ST8SIA6: variants seen among roughly 807,000 people sequenced by gnomAD.
The protein encoded by ST8SIA6 is ST8 alpha-N-acetyl-neuraminide alpha-2,8-sialyltransferase 6.
A neutral mutation model predicts 33.6 loss-of-function variants in ST8SIA6; 39 were observed. That is an observed-to-expected ratio of 1.16 (90% CI 0.90 to 1.52). The LOEUF (loss-of-function observed/expected upper bound fraction) is 1.52. Among genes scored for constraint, ST8SIA6 ranks in the 40% most tolerant of loss-of-function variants. The probability of loss-of-function intolerance (pLI) is 0.00; values close to 1 mark genes in which losing one functional copy is unlikely to be tolerated. For synonymous variants in ST8SIA6, 172 were observed against 167.2 expected (o/e 1.03, Z -0.22); for missense variants, 441 against 443.8 (o/e 0.99, Z 0.06).
intron 4 of ST8SIA6, among the ~76,000 whole-genome samples, chr10:17,345,034 C>T (rs200003614): frequency 0.18 from 26,679 of 152,070 alleles, 2,605 homozygotes; most frequent in East Asian, 0.48. Context: ...GAACTCTTAG[C>T]TAGTGGGAGA....
At chr10:17,334,260 C>G (rs971911582) in intron 4 of ST8SIA6, among the ~76,000 whole-genome samples, 4 of 151,770 alleles carry the variant, frequency 2.6e-5, no homozygotes. Context: ...AAAATACAGG[C>G]TGGGCGCGGT....
intron 4 of ST8SIA6, among the ~76,000 whole-genome samples, chr10:17,333,798 T>C (rs556158274): frequency 7.2e-6 from 1 of 138,272 alleles, no homozygotes; most frequent in African/African-American, 2.7e-5. Flanking sequence ...TTCAGCTCAC[T>C]GCAAATTCCA....
At chr10:17,344,558 C>A (rs1249999602) in intron 4 of ST8SIA6, among the ~76,000 whole-genome samples, 1 of 152,190 alleles carries the variant, frequency 6.6e-6, no homozygotes, top group East Asian at 1.9e-4. Flanking sequence ...GTCCCTCCCA[C>A]AACATATGGG....
At chr10:17,446,748 T>C (rs1852721167) in intron 2 of ST8SIA6, among the ~76,000 whole-genome samples, 1 of 151,916 alleles carries the variant, frequency 6.6e-6, no homozygotes, top group African/African-American at 2.4e-5. Flanking sequence ...AGGAAAAATG[T>C]CTACAAAGCT....
chr10:17,424,105 CTT>C (rs112889595), intron 2 of ST8SIA6, among the ~76,000 whole-genome samples: 2,247 of 140,358 alleles, frequency 0.016, 35 homozygotes, highest in Admixed American at 0.045. Flanking sequence ...TTTCCAAATT[CTT>C]TTTTTTTTTT....
chr10:17,438,985 C>A, intron 2 of ST8SIA6, among the ~76,000 whole-genome samples: 1 of 152,204 alleles, frequency 6.6e-6, no homozygotes, highest in East Asian at 1.9e-4. Flanking sequence ...GTCACTGACT[C>A]AGACTGCTTT....
At chr10:17,447,756 C>T (rs1055721558) in intron 2 of ST8SIA6, among the ~76,000 whole-genome samples, 2 of 151,934 alleles carry the variant, frequency 1.3e-5, no homozygotes, top group African/African-American at 2.4e-5. Flanking sequence ...CTAAAAAGTC[C>T]ACCCCTTTGC....
chr10:17,428,626 C>T (rs1000092471), intron 2 of ST8SIA6, among the ~76,000 whole-genome samples: 3 of 151,756 alleles, frequency 2.0e-5, no homozygotes, highest in Non-Finnish European at 2.9e-5. Context: ...GCTAAGCAGC[C>T]GGCTAGGTAG....
chr10:17,425,878 G>A (rs1478525093), intron 2 of ST8SIA6, among the ~76,000 whole-genome samples: 1 of 152,188 alleles, frequency 6.6e-6, no homozygotes, highest in African/African-American at 2.4e-5. Context: ...TATTATGCAT[G>A]CTTTGACATC....
At chr10:17,397,566 G>A (rs1225035698) in intron 2 of ST8SIA6, among the ~76,000 whole-genome samples, 2 of 152,060 alleles carry the variant, frequency 1.3e-5, no homozygotes, top group African/African-American at 2.4e-5. Context: ...TCATTTCCCT[G>A]CTCAAAGACC....
intron 4 of ST8SIA6, among the ~76,000 whole-genome samples, chr10:17,333,711 ATATATATTTTTTTTT>A (rs1483563503): frequency 5.8e-4 from 14 of 24,340 alleles, no homozygotes; most frequent in Admixed American, 1.2e-3. Context: ...ATATATATAT[ATATATATTTTTTTTT>A]TTTTTTTTTT....
chr10:17,408,928 TTTTC>T (rs1481343207), intron 2 of ST8SIA6, among the ~76,000 whole-genome samples: 1 of 148,526 alleles, frequency 6.7e-6, no homozygotes. Context: ...GCTAATTTTA[TTTTC>T]TTTCTTTCTT....
In ST8SIA6 at chr10:17,317,484, C is replaced by A. The variant is rs1847813869; in HGVS notation, c.*3394G>T. 6.6e-6 allele frequency among the ~76,000 whole-genome samples: 1 copy of A among 152,088 alleles called. No homozygotes were observed. The highest frequency in any genetic ancestry group is 1.5e-5 in the Non-Finnish European group (1 of 68,016). ...ATATATCAGATGAATTCCTACAATG[C>A]CTTCAATTTTTAATGGCATAATAAT... is the stretch of plus-strand genomic sequence containing the variant. On this transcript the variant is annotated 3_prime_UTR_variant, in exon 8 of 8. Coordinates refer to ENST00000377602, the MANE Select transcript of ST8SIA6 (RefSeq NM_001004470.3).
chr10:17,346,920 T>C (rs890322759), intron 4 of ST8SIA6, among the ~76,000 whole-genome samples: 6 of 152,218 alleles, frequency 3.9e-5, no homozygotes, highest in Admixed American at 1.3e-4. Context: ...TCCACACAAT[T>C]GCAAGGGCTA....
rs12771191 is a variant in ST8SIA6 at position 17,438,866 on chromosome 10, A to G, written c.200+14693T>C. ...TCTTTGAGGAAAAGGGATTAAGACCAAGAGAATATTGCACAGACCTTGTTA... is the reference window on the plus strand; with the variant it reads ...TCTTTGAGGAAAAGGGATTAAGACCGAGAGAATATTGCACAGACCTTGTTA... On this transcript the variant is annotated intron_variant, in intron 2 of 7. Transcript: ENST00000377602. Among the ~76,000 whole-genome samples, 684 of 152,380 alleles carry G rather than the reference A, an allele frequency of 4.5e-3. 1 individual carries two copies. The highest frequency in any genetic ancestry group is 0.017 in the Middle Eastern group (5 of 294).
At chr10:17,349,374 A>G (rs1402234421) in intron 4 of ST8SIA6, among the ~76,000 whole-genome samples, 1 of 152,236 alleles carries the variant, frequency 6.6e-6, no homozygotes, top group Non-Finnish European at 1.5e-5. Flanking sequence ...CCAAGAGTTT[A>G]AACTAGTTAG....
intron 2 of ST8SIA6, among the ~76,000 whole-genome samples, chr10:17,441,304 C>CTTTATTTATTTA (rs34815790): frequency 0.12 from 18,331 of 148,050 alleles, 1,435 homozygotes; most frequent in African/African-American, 0.21. Flanking sequence ...TCTAAATTAT[C>CTTTATTTATTTA]TTTATTTATT....
At chr10:17,325,782 A>G (rs1189975801) in intron 6 of ST8SIA6, among the ~76,000 whole-genome samples, 1 of 152,196 alleles carries the variant, frequency 6.6e-6, no homozygotes, top group African/African-American at 2.4e-5. Context: ...AATACCTCTC[A>G]TCAGCAAGTG....
intron 2 of ST8SIA6, among the ~76,000 whole-genome samples, chr10:17,424,738 ATT>A (rs779491848): frequency 1.3e-4 from 18 of 140,872 alleles, no homozygotes; most frequent in Non-Finnish European, 1.2e-4. Context: ...AACATCATAA[ATT>A]TTTTTTTTTT....
Sources: gnomAD v4.1 joint callset for allele counts (sites outside exome capture counted in the v4.1 genomes callset) on GRCh38, gnomAD v4.1.1 for gene constraint, MANE v1.5 for transcripts, NCBI Gene and HGNC (gene_info 2026-07-23, HGNC 2026-07-21) for gene names.